The following SCFD2 variants were observed in gnomAD, a reference collection of about 807,000 sequenced individuals.
The protein encoded by SCFD2 is sec1 family domain-containing protein 2.
SCFD2 carries 54 observed loss-of-function variants against 58.9 expected under a neutral mutation model. That is an observed-to-expected ratio of 0.92 (90% CI 0.74 to 1.15). The LOEUF (loss-of-function observed/expected upper bound fraction) is 1.15, where lower values mean the gene tolerates loss of function less well. Ranked by LOEUF, SCFD2 falls within the 50% of genes most tolerant of loss-of-function variation. The pLI is 0.00. For missense variants in SCFD2, 805 were observed against 836.6 expected, an observed-to-expected ratio of 0.96 and a Z score of 0.47; for synonymous variants, 321 against 335.9, an observed-to-expected ratio of 0.96 and a Z score of 0.49.
At chr4:53,203,237 G>T (rs1460758639) in intron 4 of SCFD2, among the ~76,000 whole-genome samples, 3 of 152,140 alleles carry the variant, frequency 2.0e-5, no homozygotes, top group African/African-American at 7.2e-5. Flanking sequence ...TTAGCCTGAA[G>T]GGTTGTTGAA....
chr4:52,916,653 C>T (rs576655506), intron 6 of SCFD2, among the ~76,000 whole-genome samples: 3 of 152,148 alleles, frequency 2.0e-5, no homozygotes, highest in Non-Finnish European at 2.9e-5. Flanking sequence ...TCAACAGAAG[C>T]GAGCAACAAA....
At chr4:52,907,377 G>C in intron 7 of SCFD2, 80 bp downstream of exon 7, 2 of 1,406,930 alleles carry the variant, frequency 1.4e-6, no homozygotes, top group South Asian at 1.2e-5. Flanking sequence ...GCTGGCTAGG[G>C]TTAACAGGGT....
intron 4 of SCFD2, among the ~76,000 whole-genome samples, chr4:53,238,673 C>T (rs1165509621): frequency 6.8e-6 from 1 of 147,786 alleles, no homozygotes; most frequent in African/African-American, 2.5e-5. Context: ...TGCTCCTCAC[C>T]TCCCAGACGG....
chr4:52,993,306 T>A (rs938720478), intron 5 of SCFD2, among the ~76,000 whole-genome samples: 44 of 152,000 alleles, frequency 2.9e-4, no homozygotes, highest in Non-Finnish European at 5.1e-4. Flanking sequence ...CCTTGTTCAC[T>A]TGTTTATCTG....
intron 7 of SCFD2, among the ~76,000 whole-genome samples, chr4:52,906,965 G>T (rs562455228): frequency 6.6e-6 from 1 of 152,232 alleles, no homozygotes; most frequent in South Asian, 2.1e-4. Flanking sequence ...CCAGATATCA[G>T]CCAGATAAAT....
At position 53,358,034 on chromosome 4, in the gene SCFD2, T is replaced by A. The variant is rs112273370; in HGVS notation, c.839-5268A>T. ...ATAATACTTATCTCAAAAATTATTG[T>A]GAAAATTAAAGGAATTTACATATGC... On this transcript the variant is annotated intron_variant, in intron 1 of 8. Coordinates refer to ENST00000401642, the MANE Select transcript of SCFD2 (RefSeq NM_152540.4). 3.4e-3 allele frequency among the ~76,000 whole-genome samples: 512 copies of A among 152,342 alleles called. 8 individuals carry two copies. The highest frequency in any genetic ancestry group is 0.012 in the African/African-American group (497 of 41,576).
At chr4:52,891,825 CT>C (rs1718884738) in intron 7 of SCFD2, among the ~76,000 whole-genome samples, 1 of 152,222 alleles carries the variant, frequency 6.6e-6, no homozygotes, top group Non-Finnish European at 1.5e-5. Context: ...TGATGACTTC[CT>C]TTTTCCTGAA....
chr4:53,238,174 G>C (rs557997053), intron 4 of SCFD2, among the ~76,000 whole-genome samples: 1 of 139,482 alleles, frequency 7.2e-6, no homozygotes, highest in Non-Finnish European at 1.6e-5. Flanking sequence ...CTGGCCGGGC[G>C]GGGGGCTGAC....
intron 7 of SCFD2, among the ~76,000 whole-genome samples, chr4:52,895,710 T>C (rs914344900): frequency 5.3e-5 from 8 of 152,204 alleles, no homozygotes; most frequent in African/African-American, 9.6e-5. Flanking sequence ...CTGGGTCAAA[T>C]GGTATTTCTA....
At chr4:52,971,413 T>C (rs965885423) in intron 5 of SCFD2, among the ~76,000 whole-genome samples, 1 of 152,096 alleles carries the variant, frequency 6.6e-6, no homozygotes, top group African/African-American at 2.4e-5. Context: ...AGAAAGGGTA[T>C]CAGTGATGGA....
chr4:53,191,501 G>A (rs536050275), intron 4 of SCFD2, among the ~76,000 whole-genome samples: 322 of 151,994 alleles, frequency 2.1e-3, no homozygotes, highest in Non-Finnish European at 3.7e-3. Context: ...CTGCCACCCC[G>A]GTTCCAGTGA....
intron 5 of SCFD2, among the ~76,000 whole-genome samples, chr4:53,057,093 G>A (rs529055657): frequency 6.6e-6 from 1 of 152,198 alleles, no homozygotes; most frequent in South Asian, 2.1e-4. Flanking sequence ...GCTGAGGCAG[G>A]AGAATCACTT....
In SCFD2 at chr4:53,365,108, G is replaced by A. The variant is rs766621053; in HGVS notation, c.834C>T (p.Leu278=). Residue 278 remains leucine, a synonymous_variant, in exon 1 of 9, where the codon CTC becomes CTT. Coordinates refer to ENST00000401642, the MANE Select transcript of SCFD2 (RefSeq NM_152540.4). The surrounding 1 kb of genome is among the most constrained non-coding windows in gnomAD (Gnocchi z 4.3). ...SVVFVDRTLD[L]TGAVGHHGDN... ...ACTCCAGAGCAATGCACTTACCTGT[G>A]AGATCCAGGGTTCTGTCCACAAAAA... The A allele has an allele frequency of 1.7e-5, 27 of 1,613,516 alleles. No individual in the cohort carries two copies. The highest frequency in any genetic ancestry group is 2.3e-5 in the Non-Finnish European group (27 of 1,179,734).
chr4:53,345,838 A>G (rs1321288265), intron 2 of SCFD2, among the ~76,000 whole-genome samples: 2 of 151,688 alleles, frequency 1.3e-5, no homozygotes, highest in Non-Finnish European at 2.9e-5. Flanking sequence ...TCAGCAAACT[A>G]TCACAAGGGC....
intron 5 of SCFD2, among the ~76,000 whole-genome samples, chr4:53,144,298 AAT>A (rs1417897653): frequency 6.6e-6 from 1 of 151,264 alleles, no homozygotes; most frequent in Non-Finnish European, 1.5e-5. Context: ...TTAAAAAAAA[AAT>A]ACACACACAT....
intron 2 of SCFD2, among the ~76,000 whole-genome samples, chr4:53,347,168 C>T (rs1175882319): frequency 1.3e-5 from 2 of 152,152 alleles, no homozygotes; most frequent in Non-Finnish European, 2.9e-5. Context: ...AATATAGTTT[C>T]CCCCTTTTTT....
At chr4:53,072,864 C>G (rs1459929567) in intron 5 of SCFD2, among the ~76,000 whole-genome samples, 1 of 152,092 alleles carries the variant, frequency 6.6e-6, no homozygotes, top group Non-Finnish European at 1.5e-5. Flanking sequence ...TCCTAGTTTT[C>G]TGTGGCCACA....
chr4:53,313,181 G>C (rs1732742122), intron 3 of SCFD2, among the ~76,000 whole-genome samples: 1 of 152,180 alleles, frequency 6.6e-6, no homozygotes, highest in Admixed American at 6.5e-5. Flanking sequence ...AGGACTCTAA[G>C]GGTGAGGGAC....
chr4:52,973,271 G>A (rs1235092475), intron 5 of SCFD2, among the ~76,000 whole-genome samples: 15 of 151,958 alleles, frequency 9.9e-5, no homozygotes, highest in Non-Finnish European at 1.3e-4. Context: ...TAGACCGCTA[G>A]CAATACTAAT....
Sources: allele counts gnomAD v4.1 joint callset (sites outside exome capture counted in the v4.1 genomes callset), GRCh38; gene constraint gnomAD v4.1.1; non-coding constraint Gnocchi (gnomAD v3.1); transcripts MANE v1.5; gene names NCBI Gene and HGNC (gene_info 2026-07-23, HGNC 2026-07-21).